Variants in SYT16 observed in about 807,000 individuals in gnomAD.
The protein encoded by SYT16 is synaptotagmin-16.
SYT16 carries 42 observed loss-of-function variants against 61.4 expected under a neutral mutation model. The ratio of observed to expected loss-of-function variants is 0.68; its 90% confidence interval spans 0.53 to 0.89. The LOEUF (loss-of-function observed/expected upper bound fraction) is 0.89. Ranked by LOEUF, SYT16 falls within the 40% of genes least tolerant of loss-of-function variation. The probability of loss-of-function intolerance (pLI) is 0.00; values close to 1 mark genes in which losing one functional copy is unlikely to be tolerated. For missense variants in SYT16, 804 were observed against 807.3 expected, an observed-to-expected ratio of 1.00 and a Z score of 0.05; for synonymous variants, 314 against 302.3, an observed-to-expected ratio of 1.04 and a Z score of -0.40.
intron 7 of SYT16, among the ~76,000 whole-genome samples, chr14:62,087,809 T>C (rs1363140751): frequency 1.3e-5 from 2 of 152,188 alleles, no homozygotes; most frequent in Admixed American, 6.5e-5. Context: ...AATAAGCCAC[T>C]GAGATAGAAA....
intron 3 of SYT16, among the ~76,000 whole-genome samples, chr14:62,054,308 A>AT (rs11444506): frequency 0.38 from 53,578 of 141,504 alleles, 13,758 homozygotes; most frequent in African/African-American, 0.74. Flanking sequence ...AGATTGTATG[A>AT]TTTTTTTTTT....
At chr14:61,979,297 C>T (rs2051953939) in intron 2 of SYT16, among the ~76,000 whole-genome samples, 1 of 152,178 alleles carries the variant, frequency 6.6e-6, no homozygotes, top group African/African-American at 2.4e-5. Flanking sequence ...TCAGCTTCCT[C>T]ATACTTCATA....
chr14:61,950,819 C>T (rs1448554820), intron 1 of SYT16, among the ~76,000 whole-genome samples: 1 of 152,026 alleles, frequency 6.6e-6, no homozygotes, highest in Non-Finnish European at 1.5e-5. Flanking sequence ...TTAAAAAGAA[C>T]CAGTAAATAC....
chr14:61,833,706 CTTTTTT>C (rs11357318), intron 1 of SYT16, among the ~76,000 whole-genome samples: 2 of 48,358 alleles, frequency 4.1e-5, no homozygotes, highest in East Asian at 7.2e-4. Flanking sequence ...CCAGCAGTGG[CTTTTTT>C]TTTTTTTTTT....
rs116908711 is a variant in SYT16 at position 61,917,338 on chromosome 14, C to G, written c.-324-52794C>G. Among the ~76,000 whole-genome samples the G allele has an allele frequency of 4.4e-3, 669 of 152,192 alleles. 8 individuals are homozygous for G. The highest frequency in any genetic ancestry group is 6.9e-3 in the Non-Finnish European group (470 of 68,012). ...ACAGCATGGGAGTCCTGTGACTAATCAAATCAGTGGCCTATTCATCCTCTG... is the reference window on the plus strand; with the variant it reads ...ACAGCATGGGAGTCCTGTGACTAATGAAATCAGTGGCCTATTCATCCTCTG... On this transcript the variant is annotated intron_variant, in intron 1 of 7. Transcript: ENST00000683842.
At chr14:62,023,965 T>C (rs1415698582) in intron 3 of SYT16, among the ~76,000 whole-genome samples, 2 of 152,162 alleles carry the variant, frequency 1.3e-5, no homozygotes, top group Non-Finnish European at 2.9e-5. Context: ...AAAAACCTTA[T>C]TGTGTTTATC....
chr14:61,868,379 C>T (rs1213674633), intron 1 of SYT16, among the ~76,000 whole-genome samples: 2 of 151,708 alleles, frequency 1.3e-5, no homozygotes, highest in African/African-American at 4.8e-5. Context: ...CTTTCATCTG[C>T]TTACTTTGTT....
chr14:62,029,058 A>G (rs2054208408), intron 3 of SYT16, among the ~76,000 whole-genome samples: 1 of 152,230 alleles, frequency 6.6e-6, no homozygotes, highest in African/African-American at 2.4e-5. Flanking sequence ...CAAGCTTTGC[A>G]TAACTACTTT....
At chr14:62,027,916 T>A (rs1359845362) in intron 3 of SYT16, among the ~76,000 whole-genome samples, 1 of 152,224 alleles carries the variant, frequency 6.6e-6, no homozygotes, top group Non-Finnish European at 1.5e-5. Context: ...TCATTTTTAT[T>A]GCAGACTTCT....
chr14:61,901,493 G>A (rs906355296), intron 1 of SYT16, among the ~76,000 whole-genome samples: 3 of 152,142 alleles, frequency 2.0e-5, no homozygotes, highest in African/African-American at 7.2e-5. Context: ...ATTCTGGGTA[G>A]CAGTCTGTAC....
intron 4 of SYT16, among the ~76,000 whole-genome samples, chr14:62,073,168 T>G (rs964575938): frequency 6.6e-6 from 1 of 152,216 alleles, no homozygotes; most frequent in Non-Finnish European, 1.5e-5. Flanking sequence ...ATTCTTATGT[T>G]TTTCAGTTAT....
At chr14:61,922,535 G>T (rs1211289811) in intron 1 of SYT16, among the ~76,000 whole-genome samples, 1 of 152,178 alleles carries the variant, frequency 6.6e-6, no homozygotes, top group African/African-American at 2.4e-5. Flanking sequence ...CCACTTGAGG[G>T]TAGAGAGTAG....
At chr14:61,956,421 G>A (rs1342943895) in intron 1 of SYT16, among the ~76,000 whole-genome samples, 1 of 151,982 alleles carries the variant, frequency 6.6e-6, no homozygotes, top group Non-Finnish European at 1.5e-5. Flanking sequence ...TCTTCTAAAA[G>A]TGTTATTGTT....
chr14:61,884,878 G>A (rs1394669197), intron 1 of SYT16, among the ~76,000 whole-genome samples: 1 of 152,166 alleles, frequency 6.6e-6, no homozygotes, highest in Non-Finnish European at 1.5e-5. Flanking sequence ...GTTTTGTACA[G>A]CATTGAAAAG....
chr14:62,015,058 T>C (rs2053615065), intron 3 of SYT16, among the ~76,000 whole-genome samples: 1 of 152,242 alleles, frequency 6.6e-6, no homozygotes, highest in East Asian at 1.9e-4. Flanking sequence ...TTTCTCCAGC[T>C]TCTGTTGCAT....
intron 2 of SYT16, among the ~76,000 whole-genome samples, chr14:61,979,319 T>G (rs2051954684): frequency 6.6e-6 from 1 of 152,184 alleles, no homozygotes. Flanking sequence ...TTAGTATGAT[T>G]GATGAATTAA....
chr14:62,083,482 C>T (rs1354198761), intron 6 of SYT16, among the ~76,000 whole-genome samples: 1 of 152,086 alleles, frequency 6.6e-6, no homozygotes, highest in African/African-American at 2.4e-5. Flanking sequence ...TGTAGGTGCT[C>T]AGGAGAAGCG....
intron 1 of SYT16, among the ~76,000 whole-genome samples, chr14:61,870,475 G>A (rs559679002): frequency 1.3e-5 from 2 of 151,580 alleles, no homozygotes; most frequent in South Asian, 4.2e-4. Flanking sequence ...TCTGCTTGGG[G>A]TTTACCAAAC....
At chr14:62,025,910 T>C (rs1316042837) in intron 3 of SYT16, among the ~76,000 whole-genome samples, 1 of 138,022 alleles carries the variant, frequency 7.2e-6, no homozygotes, top group Non-Finnish European at 1.5e-5. Flanking sequence ...ATTTCTCTAA[T>C]TACATTTTTC....
Sources: allele counts gnomAD v4.1 joint callset (sites outside exome capture counted in the v4.1 genomes callset), GRCh38; gene constraint gnomAD v4.1.1; transcripts MANE v1.5; gene names NCBI Gene and HGNC (gene_info 2026-07-23, HGNC 2026-07-21).